NBAS: variants seen among roughly 807,000 people sequenced by gnomAD.
NBAS encodes the protein NBAS subunit of NRZ tethering complex.
NBAS carries 219 observed loss-of-function variants against 302.5 expected under a neutral mutation model. The observed-to-expected ratio is 0.72, with a 90% CI of 0.65 to 0.81. NBAS has a LOEUF of 0.81. Ranked by LOEUF, NBAS falls within the 30% of genes least tolerant of loss-of-function variation. The pLI is 0.00. For missense variants in NBAS, 2,932 were observed against 2,841.6 expected, an observed-to-expected ratio of 1.03 and a Z score of -0.72; for synonymous variants, 1,118 against 1,021.6, an observed-to-expected ratio of 1.09 and a Z score of -1.80.
At chr2:15,392,997 T>G (rs1344468705) in intron 28 of NBAS, among the ~76,000 whole-genome samples, 2 of 151,988 alleles carry the variant, frequency 1.3e-5, no homozygotes, top group Non-Finnish European at 2.9e-5. Flanking sequence ...ACTGCAAAGG[T>G]AATTCAGTAG....
intron 12 of NBAS, among the ~76,000 whole-genome samples, chr2:15,486,813 ATAGCATTGAC>A (rs1680647267): frequency 6.6e-6 from 1 of 152,012 alleles, no homozygotes; most frequent in Non-Finnish European, 1.5e-5. Flanking sequence ...ATGCATTATT[ATAGCATTGAC>A]TGGCAACTAA....
At chr2:15,425,971 C>G (rs1677451675) in intron 22 of NBAS, among the ~76,000 whole-genome samples, 1 of 152,140 alleles carries the variant, frequency 6.6e-6, no homozygotes, top group Non-Finnish European at 1.5e-5. Context: ...CCTCCTCTCC[C>G]CAAGCATGAA....
chr2:14,999,910 A>G, the NBAS span, among the ~76,000 whole-genome samples: 1 of 152,226 alleles, frequency 6.6e-6, no homozygotes, highest in African/African-American at 2.4e-5. Flanking sequence ...CAGGGCTAAC[A>G]ATGCATAGGG....
At chr2:15,392,301 T>C (rs188932828) in intron 28 of NBAS, among the ~76,000 whole-genome samples, 7 of 151,072 alleles carry the variant, frequency 4.6e-5, no homozygotes, top group African/African-American at 1.5e-4. Flanking sequence ...ACTCACATTG[T>C]AGAGGTAAAG....
At chr2:15,106,451 G>GTCTCTCTCTCTCTCTCTC in the NBAS span, among the ~76,000 whole-genome samples, 103 of 147,958 alleles carry the variant, frequency 7.0e-4, no homozygotes, top group African/African-American at 2.3e-3. Context: ...CTCTGTCTCT[G>GTCTCTCTCTCTCTCTCTC]TCTCTCTCTC....
the NBAS span, among the ~76,000 whole-genome samples, chr2:14,980,277 A>T: frequency 1.3e-5 from 2 of 152,134 alleles, no homozygotes; most frequent in Non-Finnish European, 2.9e-5. Context: ...CACTCCATGC[A>T]ACTCCCACGA....
the NBAS span, among the ~76,000 whole-genome samples, chr2:15,150,830 T>G: frequency 6.6e-6 from 1 of 152,242 alleles, no homozygotes; most frequent in Non-Finnish European, 1.5e-5. Flanking sequence ...CAAATTTCAC[T>G]GATAGTCCAA....
At chr2:15,362,575 AC>A (rs1673987507) in intron 32 of NBAS, among the ~76,000 whole-genome samples, 1 of 152,204 alleles carries the variant, frequency 6.6e-6, no homozygotes, top group African/African-American at 2.4e-5. Context: ...TTAGAATAAC[AC>A]ACTCATGATT....
chr2:15,156,357 G>A, the NBAS span, among the ~76,000 whole-genome samples: 1 of 152,206 alleles, frequency 6.6e-6, no homozygotes, highest in South Asian at 2.1e-4. Flanking sequence ...GCTTCACAAA[G>A]TTTGTTTCTC....
chr2:15,306,902 G>A (rs377158954), intron 40 of NBAS, among the ~76,000 whole-genome samples: 2 of 152,054 alleles, frequency 1.3e-5, no homozygotes. Flanking sequence ...ATTGCCAGCT[G>A]TTTCCTCAGC....
At chr2:15,056,891 C>T in the NBAS span, among the ~76,000 whole-genome samples, 20 of 146,520 alleles carry the variant, frequency 1.4e-4, no homozygotes, top group African/African-American at 3.8e-4. Flanking sequence ...TGCAGTGGTG[C>T]GATCTCAGCT....
intron 30 of NBAS, among the ~76,000 whole-genome samples, chr2:15,375,099 C>T (rs1420130665): frequency 6.6e-6 from 1 of 152,100 alleles, no homozygotes; most frequent in Non-Finnish European, 1.5e-5. Context: ...AGATAATTTC[C>T]AGTTTCCCTT....
chr2:15,509,366 T>A (rs1662032544), intron 10 of NBAS, among the ~76,000 whole-genome samples: 1 of 152,070 alleles, frequency 6.6e-6, no homozygotes, highest in Non-Finnish European at 1.5e-5. Flanking sequence ...GCAGAGAGAA[T>A]AAAGGGCTGA....
intron 38 of NBAS, among the ~76,000 whole-genome samples, chr2:15,314,537 C>A (rs1671423967): frequency 6.6e-6 from 1 of 152,118 alleles, no homozygotes; most frequent in South Asian, 2.1e-4. Context: ...CCATGCTGGG[C>A]AGGTAAAACT....
the NBAS span, among the ~76,000 whole-genome samples, chr2:15,014,421 T>C: frequency 6.6e-6 from 1 of 152,118 alleles, no homozygotes; most frequent in Non-Finnish European, 1.5e-5. Flanking sequence ...ATCAAAATTA[T>C]ATCAAATATC....
chr2:15,135,864 A>G, the NBAS span, among the ~76,000 whole-genome samples: 4 of 108,388 alleles, frequency 3.7e-5, no homozygotes, highest in South Asian at 1.4e-3. Flanking sequence ...ATAGCTGATG[A>G]GCTAAAAAAA....
In NBAS at chr2:15,330,723, G is replaced by A. The variant is rs369879081; in HGVS notation, c.4222C>T (p.Arg1408Cys). The A allele has an allele frequency of 4.1e-5, 66 of 1,613,856 alleles. No individual in the cohort carries two copies. Among genetic ancestry groups the A allele is most frequent in the South Asian group, 1.2e-4 (11 of 91,088 alleles). ...VPGSNSADLL[R>C]WTTATTMKVL... ...TTCATGGTGGTAGCAGTGGTCCAGC[G>A]CAATAGGTCAGCTGAATTGCTACCT... The change falls in exon 36 of 52, where the codon CGC becomes TGC. Residue 1408 changes from arginine to cysteine, a missense_variant. Physicochemically the swap from Arg to Cys is radical, Grantham distance 180. Coordinates refer to ENST00000281513, the MANE Select transcript of NBAS (RefSeq NM_015909.4).
intron 38 of NBAS, among the ~76,000 whole-genome samples, chr2:15,313,605 A>G (rs1430279196): frequency 6.6e-6 from 1 of 152,264 alleles, no homozygotes; most frequent in Non-Finnish European, 1.5e-5. Context: ...AATTCCTAGA[A>G]GTGGAGCTAC....
At chr2:15,291,788 C>G (rs1241897754) in intron 41 of NBAS, among the ~76,000 whole-genome samples, 1 of 152,152 alleles carries the variant, frequency 6.6e-6, no homozygotes, top group Admixed American at 6.5e-5. Context: ...GCTTTGAAAA[C>G]TGAGATTTCT....
Sources: gnomAD v4.1 joint callset for allele counts (sites outside exome capture counted in the v4.1 genomes callset) on GRCh38, gnomAD v4.1.1 for gene constraint, MANE v1.5 for transcripts, NCBI Gene and HGNC (gene_info 2026-07-23, HGNC 2026-07-21) for gene names.